Variants in ENTREP2 observed in about 807,000 individuals in gnomAD.
ENTREP2 encodes endosomal transmembrane epsin interactor 2, also known as protein ENTREP2.
the ENTREP2 span, among the ~76,000 whole-genome samples, chr15:29,302,560 A>T: frequency 6.6e-6 from 1 of 152,196 alleles, no homozygotes; most frequent in African/African-American, 2.4e-5. Flanking sequence ...ATGAGAAATT[A>T]ATGGAGAAAA....
At chr15:29,359,421 T>C in the ENTREP2 span, among the ~76,000 whole-genome samples, 1 of 152,344 alleles carries the variant, frequency 6.6e-6, no homozygotes. Context: ...CTTCTTTTTT[T>C]CTGAACCCCA....
chr15:29,127,326 G>A, the ENTREP2 span, among the ~76,000 whole-genome samples: 2 of 152,066 alleles, frequency 1.3e-5, no homozygotes, highest in Admixed American at 1.3e-4. Flanking sequence ...CCCTCCTGGC[G>A]CCACAGTGGA....
chr15:29,540,400 A>C, the ENTREP2 span, among the ~76,000 whole-genome samples: 1 of 152,256 alleles, frequency 6.6e-6, no homozygotes, highest in Non-Finnish European at 1.5e-5. Flanking sequence ...TAATGTATCA[A>C]AAAGAAAGAA....
the ENTREP2 span, among the ~76,000 whole-genome samples, chr15:29,444,214 G>GAAAGAAAGA: frequency 2.4e-3 from 356 of 146,220 alleles, 14 homozygotes; most frequent in African/African-American, 8.8e-3. Context: ...AAGAAAGAAA[G>GAAAGAAAGA]AAAGAAAGAA....
At chr15:29,433,989 T>G in the ENTREP2 span, among the ~76,000 whole-genome samples, 1 of 152,182 alleles carries the variant, frequency 6.6e-6, no homozygotes, top group Non-Finnish European at 1.5e-5. Context: ...AGCATTACAT[T>G]GTCAATTTGT....
At chr15:29,613,840 A>G in the ENTREP2 span, 1 of 164,496 alleles carries the variant, frequency 6.1e-6, no homozygotes, top group Non-Finnish European at 1.3e-5. Context: ...TGCCCCTCTC[A>G]CCAGTTGTGG....
the ENTREP2 span, among the ~76,000 whole-genome samples, chr15:29,414,669 T>C: frequency 1.2e-3 from 178 of 151,992 alleles, 1 homozygote; most frequent in African/African-American, 4.1e-3. Flanking sequence ...CTGAAGGAGA[T>C]AGAGACACAA....
At chr15:29,220,581 T>C in the ENTREP2 span, among the ~76,000 whole-genome samples, 1 of 152,202 alleles carries the variant, frequency 6.6e-6, no homozygotes, top group Non-Finnish European at 1.5e-5. Context: ...ATCTGCTAAT[T>C]GCGTTTCTAC....
At chr15:29,149,814 G>T in the ENTREP2 span, among the ~76,000 whole-genome samples, 1 of 152,162 alleles carries the variant, frequency 6.6e-6, no homozygotes, top group Non-Finnish European at 1.5e-5. Flanking sequence ...GTCTCATCAC[G>T]AGAGCAGAGC....
At chr15:29,391,772 A>C in the ENTREP2 span, among the ~76,000 whole-genome samples, 1 of 152,178 alleles carries the variant, frequency 6.6e-6, no homozygotes, top group Admixed American at 6.5e-5. Context: ...TTTTAGTTTA[A>C]AAATTTCAAA....
At chr15:29,234,197 C>T in the ENTREP2 span, 1 of 1,607,100 alleles carries the variant, frequency 6.2e-7, no homozygotes, top group Admixed American at 1.7e-5. Flanking sequence ...TGACCAATCA[C>T]CACGAAGGCT....
the ENTREP2 span, among the ~76,000 whole-genome samples, chr15:29,362,952 TTAA>T: frequency 6.6e-6 from 1 of 152,238 alleles, no homozygotes; most frequent in Non-Finnish European, 1.5e-5. Context: ...CTGCTGATAT[TTAA>T]TACTGTTAGT....
At chr15:29,395,230 C>A in the ENTREP2 span, among the ~76,000 whole-genome samples, 1 of 151,870 alleles carries the variant, frequency 6.6e-6, no homozygotes, top group Non-Finnish European at 1.5e-5. Flanking sequence ...TACGTATAGA[C>A]CTCATTCTGT....
the ENTREP2 span, among the ~76,000 whole-genome samples, chr15:29,418,426 G>T: frequency 3.3e-5 from 5 of 152,110 alleles, no homozygotes; most frequent in Admixed American, 6.6e-5. Flanking sequence ...AGCCATCTTA[G>T]AATCCTTCTA....
At chr15:29,164,061 A>G in the ENTREP2 span, among the ~76,000 whole-genome samples, 1 of 152,236 alleles carries the variant, frequency 6.6e-6, no homozygotes, top group Non-Finnish European at 1.5e-5. Context: ...GTATTCAGCA[A>G]AACTAAGCAT....
the ENTREP2 span, among the ~76,000 whole-genome samples, chr15:29,164,546 C>T: frequency 6.6e-6 from 1 of 152,164 alleles, no homozygotes; most frequent in African/African-American, 2.4e-5. Context: ...TCAGACAAAA[C>T]AAACTTTAAA....
the ENTREP2 span, among the ~76,000 whole-genome samples, chr15:29,425,657 CT>C: frequency 6.6e-6 from 1 of 152,080 alleles, no homozygotes; most frequent in Non-Finnish European, 1.5e-5. Context: ...TTTTGTTTCT[CT>C]AATTTTCCTG....
At chr15:29,570,688 G>T in the ENTREP2 span, 1 of 1,167,834 alleles carries the variant, frequency 8.6e-7, no homozygotes, top group Middle Eastern at 3.5e-4. Flanking sequence ...GCAGCGCGGC[G>T]GGACGCGGCG....
the ENTREP2 span, among the ~76,000 whole-genome samples, chr15:29,657,489 G>GGGGGGGT: frequency 7.6e-6 from 1 of 132,210 alleles, no homozygotes; most frequent in African/African-American, 3.1e-5. Flanking sequence ...GGGGCGGGGG[G>GGGGGGGT]GGGGGGTGGC....
Sources: allele counts gnomAD v4.1 joint callset (sites outside exome capture counted in the v4.1 genomes callset), GRCh38; gene constraint gnomAD v4.1.1; transcripts MANE v1.5; gene names NCBI Gene and HGNC (gene_info 2026-07-23, HGNC 2026-07-21).